The following TANGO2 variants were observed in gnomAD, a reference collection of about 807,000 sequenced individuals.
TANGO2 encodes the protein transport and golgi organization 2 homolog, also known as transport and Golgi organization protein 2 homolog.
A neutral mutation model predicts 39.1 loss-of-function variants in TANGO2; 26 were observed. The observed-to-expected ratio is 0.67, with a 90% CI of 0.49 to 0.92. TANGO2 has a LOEUF of 0.92. Among genes scored for constraint, TANGO2 ranks in the 40% least tolerant of loss-of-function variants. TANGO2 has a pLI of 0.00. For synonymous variants in TANGO2, 131 were observed against 144.5 expected (o/e 0.91, Z 0.67); for missense variants, 326 against 360.1 (o/e 0.91, Z 0.77).
rs116946483 is a variant in TANGO2, at chr22:20,064,264, C to T, written c.711-278C>T. 6.8e-3 allele frequency among the ~76,000 whole-genome samples: 1,036 copies of T among 152,326 alleles called. 6 individuals are homozygous for T. The highest frequency in any genetic ancestry group is 0.013 in the South Asian group (62 of 4,830). ...CCGCAGGCTGCCCTATGCCTTGGCT[C>T]ATGCTACACGGGGAGAGCAGGGCAG... On this transcript the variant is annotated intron_variant, in intron 8 of 8. Coordinates refer to ENST00000327374, the MANE Select transcript of TANGO2 (RefSeq NM_152906.7).
chr22:20,055,792 G>C, intron 5 of TANGO2, 151 bp from the exon 6 acceptor site: 1 of 673,750 alleles, frequency 1.5e-6, no homozygotes, highest in Non-Finnish European at 2.6e-6. Context: ...CCAGGCACCT[G>C]AGGGGCTGGG....
At chr22:20,054,343 C>G (rs547539517) in intron 5 of TANGO2, 30 of 156,520 alleles carry the variant, frequency 1.9e-4, no homozygotes, top group African/African-American at 7.0e-4. Context: ...CTTCGTGACT[C>G]CAGGTGGCAG....
At chr22:20,041,067 A>C (rs2043816985) in intron 2 of TANGO2, among the ~76,000 whole-genome samples, 1 of 152,230 alleles carries the variant, frequency 6.6e-6, no homozygotes, top group South Asian at 2.1e-4. Flanking sequence ...AAGAAGCTTC[A>C]GGGGCAGGCA....
chr22:20,034,551 C>T (rs2042484050), intron 1 of TANGO2, among the ~76,000 whole-genome samples: 1 of 152,160 alleles, frequency 6.6e-6, no homozygotes, highest in South Asian at 2.1e-4. Flanking sequence ...GTCCTTGTAC[C>T]CCCAGTGTGG....
At chr22:20,019,889 C>T (rs1390053877), upstream of TANGO2, among the ~76,000 whole-genome samples, 1 of 152,258 alleles carries the variant, frequency 6.6e-6, no homozygotes, top group African/African-American at 2.4e-5. Flanking sequence ...GCCATGAGTC[C>T]CTGGGCATCT....
rs933295266 is a variant in TANGO2, at chr22:20,057,730, A to G, written c.451+1717A>G. On this transcript the variant is annotated intron_variant, in intron 6 of 8. Transcript: ENST00000327374. The surrounding 1 kb of genome is among the most constrained non-coding windows in gnomAD (Gnocchi z 4.1). ...GGTCGTGGGGTTGGAATGTGTGGCG[A>G]AGTAGGTCTGTGGCAGTGGAGTTGG... is the stretch of plus-strand genomic sequence containing the variant. Among the ~76,000 whole-genome samples, 5 of 152,136 alleles carry G rather than the reference A, an allele frequency of 3.3e-5. No homozygotes were observed. The highest frequency in any genetic ancestry group is 1.2e-4 in the African/African-American group (5 of 41,414).
intron 7 of TANGO2, among the ~76,000 whole-genome samples, chr22:20,062,301 G>A (rs2048529580): frequency 6.6e-6 from 1 of 152,146 alleles, no homozygotes; most frequent in Non-Finnish European, 1.5e-5. Flanking sequence ...TTCTCCCACT[G>A]GGCGAGATGC....
intron 1 of TANGO2, among the ~76,000 whole-genome samples, chr22:20,025,132 G>T (rs906397329): frequency 6.7e-6 from 1 of 149,284 alleles, no homozygotes; most frequent in South Asian, 2.2e-4. Flanking sequence ...CTTGAATACC[G>T]GAGGCAGAGG....
At chr22:20,038,847 G>A (rs965324180) in intron 2 of TANGO2, among the ~76,000 whole-genome samples, 5 of 152,068 alleles carry the variant, frequency 3.3e-5, no homozygotes, top group African/African-American at 7.2e-5. Flanking sequence ...GGGAGGCCTC[G>A]TACAGGTACC....
upstream of TANGO2, among the ~76,000 whole-genome samples, chr22:20,017,437 C>G (rs1945272057): frequency 1.3e-5 from 2 of 152,160 alleles, no homozygotes; most frequent in African/African-American, 4.8e-5. Flanking sequence ...GAGGTAGGAG[C>G]TGCAGTATTT....
chr22:20,067,054 G>T lies in TANGO2; in HGVS notation c.*2392G>T, dbSNP rs1162567211. 1 of 152,126 alleles carries T rather than the reference G, an allele frequency of 6.6e-6. No individual in the cohort carries two copies. The highest frequency in any genetic ancestry group is 1.5e-5 in the Non-Finnish European group (1 of 68,042). 9.4% of individuals were successfully genotyped at this position (152,126 alleles called of 1,614,324 possible). On this transcript the variant is annotated 3_prime_UTR_variant, in exon 9 of 9. Transcript: ENST00000327374. ...CATTTGGAGATAGGGTTCTTCCAGG[G>T]GTAACCAAGGTAGAATGAGGTCGTT...
intron 8 of TANGO2, 64 bp downstream of exon 8, chr22:20,063,506 G>A (rs1204303750): frequency 1.8e-5 from 26 of 1,434,114 alleles, no homozygotes; most frequent in Middle Eastern, 1.8e-4. Context: ...CTAGAGGGCC[G>A]GCAAAGAAGC....
chr22:20,018,688 A>G (rs1945376851), upstream of TANGO2, among the ~76,000 whole-genome samples: 1 of 152,184 alleles, frequency 6.6e-6, no homozygotes, highest in Admixed American at 6.5e-5. Context: ...CAGGATCATT[A>G]GCTGAGGTCA....
At chr22:20,039,268 C>T (rs755788081) in intron 2 of TANGO2, among the ~76,000 whole-genome samples, 1 of 151,798 alleles carries the variant, frequency 6.6e-6, no homozygotes, top group Non-Finnish European at 1.5e-5. Flanking sequence ...ATACCCATCA[C>T]GGAAAACCAA....
chr22:20,050,759 T>C lies in TANGO2; in HGVS notation c.146-1706T>C, dbSNP rs115404952. Among the ~76,000 whole-genome samples the C allele has an allele frequency of 4.2e-3, 637 of 151,964 alleles. 12 individuals are homozygous for C. The highest frequency in any genetic ancestry group is 0.015 in the African/African-American group (608 of 41,432). Reference sequence around the variant, plus strand: ...TCCAGTTCTTGCTAGCATTTACTTATTAGTTCTAATACATCGGTTTTGGTA... The same window carrying C: ...TCCAGTTCTTGCTAGCATTTACTTACTAGTTCTAATACATCGGTTTTGGTA... On this transcript the variant is annotated intron_variant, in intron 3 of 8. Transcript: ENST00000327374.
intron 8 of TANGO2, 135 bp from the exon 9 acceptor site, chr22:20,064,407 C>A (rs1200099775): frequency 1.8e-6 from 2 of 1,099,996 alleles, no homozygotes; most frequent in African/African-American, 3.1e-5. Context: ...GGCTGCTGCT[C>A]TCTGTGACTT....
At chr22:20,046,938 G>A (rs2045333224) in intron 3 of TANGO2, among the ~76,000 whole-genome samples, 1 of 152,138 alleles carries the variant, frequency 6.6e-6, no homozygotes, top group African/African-American at 2.4e-5. Context: ...TTCTACAGGG[G>A]ACCTGAAGCA....
intron 1 of TANGO2, among the ~76,000 whole-genome samples, chr22:20,033,873 G>A (rs1222396160): frequency 6.6e-6 from 1 of 152,252 alleles, no homozygotes; most frequent in African/African-American, 2.4e-5. Flanking sequence ...GAGCTTTAAT[G>A]TGCAGTCACT....
intron 1 of TANGO2, among the ~76,000 whole-genome samples, chr22:20,035,878 G>T (rs2042746488): frequency 6.6e-6 from 1 of 152,142 alleles, no homozygotes; most frequent in South Asian, 2.1e-4. Context: ...GTCTTAAATT[G>T]GCTTAGCTCA....
Sources: gnomAD v4.1 joint callset for allele counts (sites outside exome capture counted in the v4.1 genomes callset) on GRCh38, gnomAD v4.1.1 for gene constraint, Gnocchi (gnomAD v3.1) non-coding constraint, MANE v1.5 for transcripts, NCBI Gene and HGNC (gene_info 2026-07-23, HGNC 2026-07-21) for gene names.